The following TIA1 variants were observed in gnomAD, a reference collection of about 807,000 sequenced individuals.
TIA1 encodes cytotoxic granule associated RNA binding protein TIA1.
TIA1 carries 23 observed loss-of-function variants against 65.9 expected under a neutral mutation model. That is an observed-to-expected ratio of 0.35 (90% CI 0.25 to 0.49). The LOEUF is 0.49. Among genes scored for constraint, TIA1 ranks in the 20% least tolerant of loss-of-function variants. TIA1 has a pLI of 0.98. For synonymous variants in TIA1, 147 were observed against 149.4 expected, an observed-to-expected ratio of 0.98 and a Z score of 0.12; for missense variants, 371 against 477.9, an observed-to-expected ratio of 0.78 and a Z score of 2.09.
rs1694279073 is a variant in TIA1 at position 70,246,311 on chromosome 2, GC to G, written c.26+2093del. Among the ~76,000 whole-genome samples the G allele has an allele frequency of 2.0e-5, 3 of 152,156 alleles. No homozygotes were observed. The South Asian group carries it at 6.2e-4, about 32-fold the overall frequency. On this transcript the variant is annotated intron_variant, in intron 1 of 12. Transcript: ENST00000433529. ...TATTGAGAGGCTGTGTTTTTAATGT[GC>G]TAAGAACTCTGCTAAGAACATATAT...
chr2:70,209,461 C>A lies in TIA1; in HGVS notation c.*3258G>T. 2.5e-6 allele frequency: 1 copy of A among 397,272 alleles called. No individual in the cohort carries two copies. Among genetic ancestry groups the A allele is most frequent in the South Asian group, 1.4e-4 (1 of 7,112 alleles). The allele number at this position is 397,272 out of a possible 1,614,324, so 24.6% of individuals were successfully genotyped here. Reference sequence around the variant, plus strand: ...AAAACCTATTCAATTGAGACACACTCACACATTTTATTAAGGCTCTTAAAT... The same window carrying A: ...AAAACCTATTCAATTGAGACACACTAACACATTTTATTAAGGCTCTTAAAT... On this transcript the variant is annotated 3_prime_UTR_variant, in exon 13 of 13. Transcript: ENST00000433529.
chr2:70,238,230 C>T (rs570611292), intron 1 of TIA1, among the ~76,000 whole-genome samples: 26 of 144,308 alleles, frequency 1.8e-4, no homozygotes, highest in African/African-American at 5.9e-4. Context: ...TATGGTATTA[C>T]TACTACTAAG....
intron 6 of TIA1, chr2:70,225,453 A>G: frequency 7.8e-7 from 1 of 1,281,078 alleles, no homozygotes; most frequent in Non-Finnish European, 1.0e-6. Flanking sequence ...CATGATAGCT[A>G]AAACTCCATA....
chr2:70,244,916 T>C (rs547927167), intron 1 of TIA1, among the ~76,000 whole-genome samples: 12 of 150,018 alleles, frequency 8.0e-5, no homozygotes, highest in African/African-American at 2.9e-4. Flanking sequence ...AGGCCAATAC[T>C]ATTTGGAGAG....
intron 6 of TIA1, chr2:70,225,141 T>G (rs1326923148): frequency 9.7e-7 from 1 of 1,025,738 alleles, no homozygotes; most frequent in African/African-American, 1.7e-5. Flanking sequence ...TTGTCTAAAT[T>G]TTGAGAACTT....
intron 7 of TIA1, among the ~76,000 whole-genome samples, chr2:70,221,972 G>A (rs1681609892): frequency 6.6e-6 from 1 of 151,796 alleles, no homozygotes; most frequent in South Asian, 2.1e-4. Flanking sequence ...TAGAGAAGGG[G>A]TTTTGCCATT....
At chr2:70,237,009 T>C (rs1238501160) in intron 1 of TIA1, among the ~76,000 whole-genome samples, 2 of 152,256 alleles carry the variant, frequency 1.3e-5, no homozygotes, top group Non-Finnish European at 2.9e-5. Flanking sequence ...ACTTGAGAAA[T>C]AGGCAGATCT....
Position 70,248,447 on chromosome 2 carries a change from G to T in TIA1, c.-17C>A. The T allele has an allele frequency of 6.2e-7, 1 of 1,600,788 alleles. No homozygotes were observed. The highest frequency in any genetic ancestry group is 8.5e-7 in the Non-Finnish European group (1 of 1,179,960). Reference sequence around the variant, plus strand: ...GTCCTCCATGGCTGCTGCTGTCGCGGCGGCGCCTCCAGGTCCAGCTCCCTG... The same window carrying T: ...GTCCTCCATGGCTGCTGCTGTCGCGTCGGCGCCTCCAGGTCCAGCTCCCTG... On this transcript the variant is annotated 5_prime_UTR_variant, in exon 1 of 13. Transcript: ENST00000433529.
intron 1 of TIA1, among the ~76,000 whole-genome samples, chr2:70,243,431 AAAATAAAT>A (rs985322571): frequency 1.3e-5 from 2 of 152,168 alleles, no homozygotes; most frequent in Admixed American, 1.3e-4. Context: ...TATCTCAATT[AAAATAAAT>A]AAATAAATAA....
chr2:70,229,130 CACAA>C, intron 4 of TIA1, 39 bp from the exon 5 acceptor site: 1 of 1,612,072 alleles, frequency 6.2e-7, no homozygotes, highest in Non-Finnish European at 8.5e-7. Flanking sequence ...AATTTATTAA[CACAA>C]ACACATTCAA....
rs1676148872 is a variant in TIA1, at chr2:70,210,244, G to C, written c.*2475C>G. 1 of 152,278 alleles carries C rather than the reference G, an allele frequency of 6.6e-6. No homozygotes were observed. Among genetic ancestry groups the C allele is most frequent in the Non-Finnish European group, 1.5e-5 (1 of 68,128 alleles). The allele number at this position is 152,278 out of a possible 1,614,324, so 9.4% of individuals were successfully genotyped here. ...AGGAACTTTAATATCCAAACATTCA[G>C]GGTAAAGAATACTGGATTAATCACC... is the stretch of plus-strand genomic sequence containing the variant. On this transcript the variant is annotated 3_prime_UTR_variant, in exon 13 of 13. Coordinates refer to ENST00000433529, the MANE Select transcript of TIA1 (RefSeq NM_022173.4).
At chr2:70,214,568 C>A in intron 11 of TIA1, 74 bp from the exon 12 acceptor site, 8 of 1,110,160 alleles carry the variant, frequency 7.2e-6, no homozygotes, top group Admixed American at 3.8e-5. Flanking sequence ...ACCACAAATT[C>A]TTAGCCAAAA....
chr2:70,221,391 G>A (rs977922020), intron 7 of TIA1, among the ~76,000 whole-genome samples: 34 of 151,888 alleles, frequency 2.2e-4, no homozygotes, highest in Admixed American at 1.0e-3. Flanking sequence ...GATGGATTGA[G>A]GCCAGGAGTT....
chr2:70,215,587 A>G (rs1678215612), intron 10 of TIA1, 93 bp from the exon 11 acceptor site: 16 of 1,208,804 alleles, frequency 1.3e-5, no homozygotes, highest in Non-Finnish European at 1.8e-5. Flanking sequence ...AGTCTGAGGT[A>G]AAACAGTTTG....
chr2:70,229,698 G>A (rs554378320), intron 3 of TIA1, among the ~76,000 whole-genome samples: 4 of 152,196 alleles, frequency 2.6e-5, no homozygotes, highest in East Asian at 1.9e-4. Context: ...CAGCACTTTC[G>A]GAGGCCAAGA....
At chr2:70,246,024 A>G (rs1694156750) in intron 1 of TIA1, among the ~76,000 whole-genome samples, 1 of 150,436 alleles carries the variant, frequency 6.6e-6, no homozygotes, top group Non-Finnish European at 1.5e-5. Flanking sequence ...CCCGGGTTCA[A>G]GCGATTCTCC....
chr2:70,219,731 C>T (rs1015419703), intron 7 of TIA1, among the ~76,000 whole-genome samples: 12 of 138,462 alleles, frequency 8.7e-5, no homozygotes, highest in Admixed American at 1.5e-4. Context: ...CAGACTAGGT[C>T]GCCAGGCTTT....
intron 6 of TIA1, chr2:70,225,506 C>G (rs1683407800): frequency 9.0e-7 from 1 of 1,108,712 alleles, no homozygotes; most frequent in Non-Finnish European, 1.2e-6. Flanking sequence ...AGGCAATCTG[C>G]TTTTAAGTTA....
In TIA1 at chr2:70,211,885, A is replaced by T. The variant is rs1201968362; in HGVS notation, c.*834T>A. On this transcript the variant is annotated 3_prime_UTR_variant, in exon 13 of 13. Coordinates refer to ENST00000433529, the MANE Select transcript of TIA1 (RefSeq NM_022173.4). ...AGTTGACACATGAAATTAACATGGCATAAGAACTTATCACATTTCAGATAT... is the reference window on the plus strand; with the variant it reads ...AGTTGACACATGAAATTAACATGGCTTAAGAACTTATCACATTTCAGATAT... 6.6e-6 allele frequency: 1 copy of T among 152,550 alleles called. No individual in the cohort carries two copies. The highest frequency in any genetic ancestry group is 2.4e-5 in the African/African-American group (1 of 41,466). The allele number at this position is 152,550 out of a possible 1,614,324, so 9.4% of individuals were successfully genotyped here.
Sources: allele counts gnomAD v4.1 joint callset (sites outside exome capture counted in the v4.1 genomes callset), GRCh38; gene constraint gnomAD v4.1.1; transcripts MANE v1.5; gene names NCBI Gene and HGNC (gene_info 2026-07-23, HGNC 2026-07-21).